The following ADAMTS14 variants were observed in gnomAD, a reference collection of about 807,000 sequenced individuals.
ADAMTS14 encodes the protein ADAM metallopeptidase with thrombospondin type 1 motif 14.
In ADAMTS14, 100 loss-of-function variants were observed where a neutral mutation model predicts 128.6. The ratio of observed to expected loss-of-function variants is 0.78; its 90% CI spans 0.66 to 0.92. The LOEUF (loss-of-function observed/expected upper bound fraction) is 0.92, where lower values mean the gene tolerates loss of function less well. Ranked by LOEUF, ADAMTS14 falls within the 40% of genes least tolerant of loss-of-function variation. The probability of loss-of-function intolerance (pLI) is 0.00; values close to 1 mark genes in which losing one functional copy is unlikely to be tolerated. For missense variants in ADAMTS14, 1,562 were observed against 1,658.6 expected (o/e 0.94, Z 1.01); for synonymous variants, 665 against 653.8 (o/e 1.02, Z -0.26).
At chr10:70,744,941 G>C (rs1842130792) in intron 14 of ADAMTS14, among the ~76,000 whole-genome samples, 1 of 152,092 alleles carries the variant, frequency 6.6e-6, no homozygotes, top group South Asian at 2.1e-4. Context: ...CGGGGGGAAG[G>C]GCAGAAGTGA....
intron 16 of ADAMTS14, 102 bp downstream of exon 16, chr10:70,750,087 T>C: frequency 6.7e-7 from 1 of 1,482,060 alleles, no homozygotes; most frequent in South Asian, 1.3e-5. Flanking sequence ...CTGGTGTCTT[T>C]AGGAGCCTGG....
intron 7 of ADAMTS14, among the ~76,000 whole-genome samples, chr10:70,732,969 T>C (rs10823606): frequency 0.9 from 136,796 of 152,258 alleles, 61,565 homozygotes; most frequent in East Asian, 1. Flanking sequence ...ACAGTGGAGA[T>C]CAGGACAGAG....
At chr10:70,726,963 T>G (rs566991699) in intron 4 of ADAMTS14, among the ~76,000 whole-genome samples, 1 of 152,350 alleles carries the variant, frequency 6.6e-6, no homozygotes, top group Admixed American at 6.5e-5. Context: ...TTCCTTGTGG[T>G]GGGGTGTTGG....
Position 70,718,571 on chromosome 10 carries a change from T to G in ADAMTS14, c.870+9793T>G, listed in dbSNP as rs142039571. ...CAGGTAATTTTTGTATTTTTAGTAG[T>G]GATGGGGATTCGCTGTGTTGGCCAG... On this transcript the variant is annotated intron_variant, in intron 4 of 21. Coordinates refer to ENST00000373207, the MANE Select transcript of ADAMTS14 (RefSeq NM_080722.4). 8.3e-3 allele frequency among the ~76,000 whole-genome samples: 1,262 copies of G among 151,856 alleles called. 15 individuals are homozygous for G. Among genetic ancestry groups the G allele is most frequent in the African/African-American group, 0.029 (1,188 of 41,448 alleles).
In ADAMTS14 at chr10:70,758,035, A is replaced by G; in HGVS notation, c.3011A>G (p.His1004Arg). ...AGGACCAACGCCAACAGCCTCGGGC[A>G]TTGCGAGGGGGATAGGCCAGACACT... ...VCRTNANSLG[H>R]CEGDRPDTVQ... The change falls in exon 20 of 22, where the codon CAT becomes CGT. Residue 1004 changes from histidine (H) to arginine (R), a missense_variant. His to Arg is a conservative substitution (Grantham distance 29). Coordinates refer to ENST00000373207, the MANE Select transcript of ADAMTS14 (RefSeq NM_080722.4). The G allele has an allele frequency of 6.2e-7, 1 of 1,613,706 alleles. No individual in the cohort carries two copies.
intron 16 of ADAMTS14, 36 bp downstream of exon 16, chr10:70,750,021 AC>A: frequency 6.2e-7 from 1 of 1,604,382 alleles, no homozygotes; most frequent in Non-Finnish European, 8.5e-7. Context: ...ACCCCTGCCC[AC>A]CCCACTTGTC....
chr10:70,727,085 A>C (rs747036945), intron 4 of ADAMTS14, among the ~76,000 whole-genome samples: 3 of 152,212 alleles, frequency 2.0e-5, no homozygotes, highest in Non-Finnish European at 4.4e-5. Flanking sequence ...GGCTGCTCTG[A>C]AGTCTGCCCA....
intron 2 of ADAMTS14, among the ~76,000 whole-genome samples, chr10:70,695,485 G>T (rs1040564268): frequency 6.6e-6 from 1 of 152,168 alleles, no homozygotes; most frequent in Non-Finnish European, 1.5e-5. Context: ...CAACAGCCCC[G>T]GATGGCCCAT....
At chr10:70,760,245 C>A in intron 21 of ADAMTS14, 115 bp from the exon 22 acceptor site, 1 of 1,380,898 alleles carries the variant, frequency 7.2e-7, no homozygotes, top group Non-Finnish European at 9.7e-7. Flanking sequence ...TATAGTGGGT[C>A]CAGCAGGGGC....
chr10:70,704,696 C>T (rs1439497168), intron 3 of ADAMTS14, among the ~76,000 whole-genome samples: 2 of 146,728 alleles, frequency 1.4e-5, no homozygotes, highest in African/African-American at 5.0e-5. Flanking sequence ...CACACACCCC[C>T]TACACCCACA....
chr10:70,727,514 ATGGCATCACCTCCCTAACCGCACTGC>A, intron 4 of ADAMTS14, among the ~76,000 whole-genome samples: 1 of 152,072 alleles, frequency 6.6e-6, no homozygotes, highest in African/African-American at 2.4e-5. Flanking sequence ...TCCACTTCTG[ATGGCATCACCTCCCTAACCGCACTGC>A]TGGCATCACA....
At chr10:70,754,689 G>A (rs866329114) in intron 19 of ADAMTS14, among the ~76,000 whole-genome samples, 5 of 152,120 alleles carry the variant, frequency 3.3e-5, no homozygotes, top group South Asian at 2.1e-4. Flanking sequence ...CCATGGCTAC[G>A]GGCTTTGCAA....
chr10:70,744,017 C>T lies in ADAMTS14; in HGVS notation c.2059-49C>T, dbSNP rs779658727. 2.1e-5 allele frequency: 32 copies of T among 1,538,938 alleles called. No homozygotes were observed. The South Asian group carries it at 2.4e-4, about 12-fold the overall frequency. On this transcript the variant is annotated intron_variant, in intron 13 of 21. Transcript: ENST00000373207. ...GATGGGAATGGGAGCCCCGGGGTGGCGGTGGGGGCAGGGGAGCCTCCTCCC... is the reference window on the plus strand; with the variant it reads ...GATGGGAATGGGAGCCCCGGGGTGGTGGTGGGGGCAGGGGAGCCTCCTCCC...
rs149282981 is a variant in ADAMTS14 at position 70,726,807 on chromosome 10, G to A, written c.871-2487G>A. 5.8e-3 allele frequency among the ~76,000 whole-genome samples: 884 copies of A among 152,252 alleles called. 3 individuals carry two copies. The highest frequency in any genetic ancestry group is 0.024 in the Middle Eastern group (7 of 294). The stretch of plus-strand genomic sequence containing the variant: ...CTACTCCACCCTGAAGTCCCTCCTA[G>A]GATAAGTCTAGGGTGTGTGGATTGA... On this transcript the variant is annotated intron_variant, in intron 4 of 21. Coordinates refer to ENST00000373207, the MANE Select transcript of ADAMTS14 (RefSeq NM_080722.4).
At chr10:70,718,469 C>A (rs1841131621) in intron 4 of ADAMTS14, among the ~76,000 whole-genome samples, 1 of 152,034 alleles carries the variant, frequency 6.6e-6, no homozygotes, top group Non-Finnish European at 1.5e-5. Context: ...CTCACTGCAA[C>A]CTCCGTCTCG....
intron 18 of ADAMTS14, 143 bp from the exon 19 acceptor site, chr10:70,753,657 T>G: frequency 1.2e-6 from 1 of 817,146 alleles, no homozygotes; most frequent in Non-Finnish European, 1.9e-6. Flanking sequence ...CAGAGCCAGG[T>G]GGACAGTTGT....
intron 4 of ADAMTS14, among the ~76,000 whole-genome samples, chr10:70,714,246 C>A (rs147237792): frequency 1.3e-5 from 2 of 152,158 alleles, no homozygotes; most frequent in African/African-American, 2.4e-5. Context: ...TGTTTTTGAG[C>A]AACCACTGGG....
intron 13 of ADAMTS14, 133 bp downstream of exon 13, chr10:70,743,814 C>T: frequency 2.2e-6 from 3 of 1,341,376 alleles, no homozygotes; most frequent in Non-Finnish European, 3.0e-6. Flanking sequence ...CTCAGCATAG[C>T]CCTGGGGTGC....
intron 16 of ADAMTS14, among the ~76,000 whole-genome samples, chr10:70,750,368 T>C (rs1842314960): frequency 6.6e-6 from 1 of 152,176 alleles, no homozygotes; most frequent in Non-Finnish European, 1.5e-5. Context: ...CTCGGGCCTT[T>C]AATGCAGCTG....
Sources: gnomAD v4.1 joint callset for allele counts (sites outside exome capture counted in the v4.1 genomes callset) on GRCh38, gnomAD v4.1.1 for gene constraint, MANE v1.5 for transcripts, NCBI Gene and HGNC (gene_info 2026-07-23, HGNC 2026-07-21) for gene names.